Variants in PSMD12 observed in about 807,000 individuals in gnomAD.
PSMD12 encodes 26S proteasome non-ATPase regulatory subunit 12.
PSMD12 carries 8 observed loss-of-function variants against 62.9 expected under a neutral mutation model. The observed-to-expected ratio is 0.13, with a 90% CI of 0.07 to 0.23. The LOEUF (loss-of-function observed/expected upper bound fraction) is 0.23. PSMD12 is among the 10% of genes least tolerant of loss of function. The pLI is 1.00. For missense variants in PSMD12, 424 were observed against 550.2 expected (o/e 0.77, Z 2.29); for synonymous variants, 173 against 187.4 (o/e 0.92, Z 0.63).
Position 67,345,243 on chromosome 17 carries a change from A to C in PSMD12, c.909-463T>G, listed in dbSNP as rs369389779. The stretch of plus-strand genomic sequence containing the variant: ...CTTGATAAGCAATTTAGAAGAAAGT[A>C]TGTTATAATCTCATTTACTGCTGAT... On this transcript the variant is annotated intron_variant, in intron 8 of 10. Coordinates refer to ENST00000356126, the MANE Select transcript of PSMD12 (RefSeq NM_002816.5). 1.3e-4 allele frequency among the ~76,000 whole-genome samples: 20 copies of C among 152,382 alleles called. No individual in the cohort carries two copies. In the South Asian group the frequency reaches 3.9e-3, roughly 30 times the overall value.
At chr17:67,354,304 G>A (rs1456457117) in intron 3 of PSMD12, among the ~76,000 whole-genome samples, 1 of 152,064 alleles carries the variant, frequency 6.6e-6, no homozygotes, top group African/African-American at 2.4e-5. Flanking sequence ...CCAGCTACTC[G>A]GGAGGCTGAT....
At chr17:67,349,865 T>C (rs1256720314) in intron 4 of PSMD12, among the ~76,000 whole-genome samples, 1 of 152,214 alleles carries the variant, frequency 6.6e-6, no homozygotes, top group African/African-American at 2.4e-5. Flanking sequence ...GCTTCCTACA[T>C]CTATTATACA....
In PSMD12 at chr17:67,357,336, C is replaced by T. The variant is rs752531447; in HGVS notation, c.264G>A (p.Met88Ile). ...KEWDLLNENIMLLSKRRSQLK... is the reference protein window; with the variant it reads ...KEWDLLNENIILLSKRRSQLK... ...ACTGACTCCGCCTTTTGGACAAAAG[C>T]ATAATATTTTCATTAAGTAAATCCC... The change falls in exon 3 of 11, where the codon ATG becomes ATA. Residue 88 changes from methionine (M) to isoleucine (I), a missense_variant. Transcript: ENST00000356126. 3.2e-5 allele frequency: 52 copies of T among 1,613,490 alleles called. No individual in the cohort carries two copies. Among genetic ancestry groups the T allele is most frequent in the Non-Finnish European group, 4.4e-5 (52 of 1,179,888 alleles).
Position 67,342,432 on chromosome 17 carries a change from C to G in PSMD12, c.1084-169G>C, listed in dbSNP as rs535584391. ...CTAGTTCTAAGTTTCAATAACAAAA[C>G]TAAATACTTAGATATTTTGGTTTCT... On this transcript the variant is annotated intron_variant, in intron 9 of 10. Coordinates refer to ENST00000356126, the MANE Select transcript of PSMD12 (RefSeq NM_002816.5). 1.2e-5 allele frequency: 6 copies of G among 497,814 alleles called. No individual in the cohort carries two copies. The South Asian group carries it at 1.9e-4, about 15-fold the overall frequency. 30.8% of individuals were successfully genotyped at this position (497,814 alleles called of 1,614,324 possible). A position where few individuals can be genotyped will look rare whatever the true frequency, so the allele number is the denominator to read the frequency against.
At chr17:67,342,893 G>A (rs2041928365) in intron 9 of PSMD12, among the ~76,000 whole-genome samples, 2 of 149,376 alleles carry the variant, frequency 1.3e-5, no homozygotes, top group Admixed American at 6.7e-5. Context: ...CTATGACTGT[G>A]CCACTGTACT....
chr17:67,357,234 G>C, intron 3 of PSMD12, 69 bp downstream of exon 3: 1 of 1,512,710 alleles, frequency 6.6e-7, no homozygotes, highest in Non-Finnish European at 8.9e-7. Context: ...CAGACTTATA[G>C]AAGAGCTTGT....
rs546453811 is a variant in PSMD12 at position 67,362,562 on chromosome 17, C to A, written c.108+3850G>T. Among the ~76,000 whole-genome samples the A allele has an allele frequency of 5.1e-5, 7 of 138,562 alleles. No individual in the cohort carries two copies. The South Asian group carries it at 1.6e-3, about 31-fold the overall frequency. 90.9% of individuals were successfully genotyped at this position (138,562 alleles called of 152,430 possible). The stretch of plus-strand genomic sequence containing the variant: ...CTGTAGTCCCAGCTACTGGGGACGC[C>A]GAGGCAGGAGAATTCCTTGAACCCG... On this transcript the variant is annotated intron_variant, in intron 1 of 10. Transcript: ENST00000356126.
chr17:67,352,299 T>A (rs955116778), intron 3 of PSMD12, among the ~76,000 whole-genome samples: 1 of 152,200 alleles, frequency 6.6e-6, no homozygotes, highest in South Asian at 2.1e-4. Context: ...GGTCTCACCA[T>A]CTTCATGCCC....
In PSMD12 at chr17:67,365,668, T is replaced by C. The variant is rs74939752; in HGVS notation, c.108+744A>G. On this transcript the variant is annotated intron_variant, in intron 1 of 10. Transcript: ENST00000356126. ...TATCACCTTTCTCCATCCTTGTTTC[T>C]TGGAAAGCCCGTTAAACTCTTATAG... is the stretch of plus-strand genomic sequence containing the variant. 2.4e-3 allele frequency among the ~76,000 whole-genome samples: 361 copies of C among 152,352 alleles called. 15 individuals are homozygous for C. The highest frequency in any genetic ancestry group is 2.5e-3 in the Admixed American group (38 of 15,296).
chr17:67,366,293 G>A (rs1358146953), intron 1 of PSMD12, 119 bp downstream of exon 1: 1 of 983,728 alleles, frequency 1.0e-6, no homozygotes, highest in East Asian at 2.7e-5. Flanking sequence ...GGCCCAACTA[G>A]GGCTGGACAG....
chr17:67,348,749 A>T (rs766491469), intron 4 of PSMD12, 95 bp from the exon 5 acceptor site: 9 of 1,036,156 alleles, frequency 8.7e-6, no homozygotes, highest in African/African-American at 1.6e-5. Context: ...TGTAATCCTG[A>T]CATTTTGGAA....
At chr17:67,343,941 T>C (rs910594483) in intron 9 of PSMD12, among the ~76,000 whole-genome samples, 5 of 151,716 alleles carry the variant, frequency 3.3e-5, no homozygotes, top group African/African-American at 1.2e-4. Flanking sequence ...TGACCTCAGG[T>C]GATCTGCCCA....
At chr17:67,363,979 G>A (rs1482559280) in intron 1 of PSMD12, among the ~76,000 whole-genome samples, 1 of 152,120 alleles carries the variant, frequency 6.6e-6, no homozygotes, top group African/African-American at 2.4e-5. Flanking sequence ...AAACCGGGAG[G>A]TGGAGGTTGC....
intron 10 of PSMD12, among the ~76,000 whole-genome samples, chr17:67,341,864 G>A (rs983384614): frequency 2.0e-5 from 3 of 152,182 alleles, no homozygotes; most frequent in Non-Finnish European, 4.4e-5. Context: ...TGTTCCATGA[G>A]TCTTACCACC....
Position 67,358,673 on chromosome 17 carries a change from G to A in PSMD12, c.109-1095C>T, listed in dbSNP as rs549962535. 2.1e-4 allele frequency among the ~76,000 whole-genome samples: 32 copies of A among 150,852 alleles called. No individual in the cohort carries two copies. In the South Asian group the frequency reaches 6.7e-3, roughly 32 times the overall value. ...ACCCTAACAGATATTTTAAAATACAGAGTTCCAAGGAGAAATAAAAAGAAT... is the reference window on the plus strand; with the variant it reads ...ACCCTAACAGATATTTTAAAATACAAAGTTCCAAGGAGAAATAAAAAGAAT... On this transcript the variant is annotated intron_variant, in intron 1 of 10. Transcript: ENST00000356126.
intron 5 of PSMD12, 138 bp downstream of exon 5, chr17:67,348,412 A>T (rs773861145): frequency 1.1e-4 from 76 of 716,828 alleles, no homozygotes; most frequent in Non-Finnish European, 1.7e-4. Flanking sequence ...AAAAGATGCC[A>T]TTCACAGGCT....
intron 3 of PSMD12, among the ~76,000 whole-genome samples, chr17:67,351,932 A>T (rs2042022339): frequency 6.6e-6 from 1 of 151,952 alleles, no homozygotes; most frequent in Non-Finnish European, 1.5e-5. Context: ...CCCAGTCTCT[A>T]CTAAAAATAC....
chr17:67,357,527 T>C lies in PSMD12; in HGVS notation c.160A>G (p.Thr54Ala), dbSNP rs931325385. 3.1e-6 allele frequency: 5 copies of C among 1,613,542 alleles called. No individual in the cohort carries two copies. The African/African-American group carries it at 6.7e-5, about 22-fold the overall frequency. Residue 54 changes from threonine (T) to alanine (A), a missense_variant, in exon 2 of 11, where the codon ACT becomes GCT. By Grantham distance (58) the Thr-to-Ala change is moderately conservative. Transcript: ENST00000356126. ...CCCTGTAAACTACTCACAGTACGAG[T>C]CTGCTTTTCCAGAGAGAGAAGGGTT... ...IETLLSLEKQTRTASDMVSTS... is the reference protein window; with the variant it reads ...IETLLSLEKQARTASDMVSTS...
intron 9 of PSMD12, 138 bp from the exon 10 acceptor site, chr17:67,342,401 G>A (rs2041923511): frequency 5.2e-6 from 3 of 581,490 alleles, no homozygotes; most frequent in East Asian, 5.7e-5. Context: ...CATCACTGGA[G>A]CAAAGCTAGT....
Sources: allele counts gnomAD v4.1 joint callset (sites outside exome capture counted in the v4.1 genomes callset), GRCh38; gene constraint gnomAD v4.1.1; transcripts MANE v1.5; gene names NCBI Gene and HGNC (gene_info 2026-07-23, HGNC 2026-07-21).